Variants in SUSD4 observed in about 807,000 individuals in gnomAD.
SUSD4 encodes sushi domain-containing protein 4.
In SUSD4, 41 loss-of-function variants were observed where a neutral mutation model predicts 50.5. The ratio of observed to expected loss-of-function variants is 0.81; its 90% confidence interval spans 0.63 to 1.05. The LOEUF is 1.05. Ranked by LOEUF, SUSD4 falls within the 50% of genes least tolerant of loss-of-function variation. The probability of loss-of-function intolerance (pLI) is 0.00; values close to 1 mark genes in which losing one functional copy is unlikely to be tolerated. For missense variants in SUSD4, 580 were observed against 634.7 expected, an observed-to-expected ratio of 0.91 and a Z score of 0.93; for synonymous variants, 257 against 257.3, an observed-to-expected ratio of 1.00 and a Z score of 0.01.
intron 5 of SUSD4, among the ~76,000 whole-genome samples, chr1:223,249,243 C>G (rs1237227444): frequency 1.3e-5 from 2 of 152,058 alleles, no homozygotes; most frequent in Non-Finnish European, 2.9e-5. Context: ...ATCAGGGGCA[C>G]AAGATTAAAA....
chr1:223,258,754 C>G (rs851196), intron 5 of SUSD4, among the ~76,000 whole-genome samples: 62,873 of 151,904 alleles, frequency 0.41, 13,229 homozygotes, highest in African/African-American at 0.45. Context: ...TCCCCTGTTT[C>G]GGAAAAGCAA....
chr1:223,342,997 T>C (rs1454946486), intron 2 of SUSD4, among the ~76,000 whole-genome samples: 1 of 152,068 alleles, frequency 6.6e-6, no homozygotes, highest in African/African-American at 2.4e-5. Context: ...AAGAAAAAGA[T>C]AAAAACATTA....
At chr1:223,337,087 G>A (rs981280231) in intron 2 of SUSD4, among the ~76,000 whole-genome samples, 6 of 152,148 alleles carry the variant, frequency 3.9e-5, no homozygotes, top group African/African-American at 1.4e-4. Flanking sequence ...ATCTCTCACA[G>A]GCACCGTAAT....
At chr1:223,223,862 C>A (rs1659309725) in intron 7 of SUSD4, among the ~76,000 whole-genome samples, 1 of 152,242 alleles carries the variant, frequency 6.6e-6, no homozygotes. Context: ...TTGTCACTCT[C>A]TCGTGTCCTC....
intron 3 of SUSD4, among the ~76,000 whole-genome samples, chr1:223,278,898 T>A (rs2103109189): frequency 6.6e-6 from 1 of 152,282 alleles, no homozygotes; most frequent in Middle Eastern, 3.4e-3. Context: ...GTAGGAACAT[T>A]TGCTGTTCAG....
intron 2 of SUSD4, among the ~76,000 whole-genome samples, chr1:223,293,156 G>A (rs1380495183): frequency 1.3e-5 from 2 of 152,140 alleles, no homozygotes; most frequent in African/African-American, 4.8e-5. Flanking sequence ...GGAGCAGCAA[G>A]TGGAATGTAG....
At chr1:223,289,328 G>A (rs776895750) in intron 3 of SUSD4, 87 of 982,874 alleles carry the variant, frequency 8.9e-5, no homozygotes, top group Non-Finnish European at 9.5e-5. Context: ...GGGCCATAAA[G>A]TGAATTCATT....
intron 2 of SUSD4, among the ~76,000 whole-genome samples, chr1:223,313,748 C>A (rs1465501196): frequency 1.3e-5 from 2 of 152,126 alleles, no homozygotes; most frequent in South Asian, 2.1e-4. Flanking sequence ...CCCACCAAAA[C>A]CAAGATGGCT....
chr1:223,363,835 T>C (rs991484349), intron 1 of SUSD4: 1 of 162,636 alleles, frequency 6.1e-6, no homozygotes, highest in African/African-American at 2.4e-5. Flanking sequence ...CATTTCACTC[T>C]GGGAATCTCA....
chr1:223,358,131 T>C (rs1400231068), intron 2 of SUSD4, among the ~76,000 whole-genome samples: 1 of 152,196 alleles, frequency 6.6e-6, no homozygotes, highest in Non-Finnish European at 1.5e-5. Flanking sequence ...TTATGCATGC[T>C]TTTTGCATTT....
At chr1:223,333,434 A>G (rs1016204822) in intron 2 of SUSD4, among the ~76,000 whole-genome samples, 3 of 152,108 alleles carry the variant, frequency 2.0e-5, no homozygotes, top group Non-Finnish European at 2.9e-5. Context: ...TTCTGAAACA[A>G]ATTAAAATTA....
At chr1:223,223,126 G>T in intron 8 of SUSD4, 123 bp downstream of exon 8, 2 of 1,368,672 alleles carry the variant, frequency 1.5e-6, no homozygotes, top group Non-Finnish European at 1.9e-6. Context: ...AGCTGAGTGA[G>T]AGGTAAACAG....
intron 5 of SUSD4, among the ~76,000 whole-genome samples, chr1:223,262,114 G>T (rs1662164899): frequency 3.3e-5 from 5 of 152,176 alleles, no homozygotes; most frequent in Admixed American, 3.3e-4. Context: ...GGTTAGAAAA[G>T]AAATTGGGGG....
chr1:223,242,904 C>T (rs543080966), intron 5 of SUSD4, among the ~76,000 whole-genome samples: 1 of 152,174 alleles, frequency 6.6e-6, no homozygotes, highest in Non-Finnish European at 1.5e-5. Context: ...TGCCAGTTGT[C>T]TGAGTCCCCA....
intron 5 of SUSD4, among the ~76,000 whole-genome samples, chr1:223,258,928 CA>C (rs1331081249): frequency 6.6e-6 from 1 of 152,160 alleles, no homozygotes; most frequent in Admixed American, 6.5e-5. Flanking sequence ...CTTTCGAAAC[CA>C]TGGAGACCTT....
intron 3 of SUSD4, among the ~76,000 whole-genome samples, chr1:223,276,884 T>C (rs1663311495): frequency 1.3e-5 from 2 of 151,950 alleles, no homozygotes; most frequent in Non-Finnish European, 2.9e-5. Flanking sequence ...AAAGAAATTT[T>C]AGATGATAGA....
chr1:223,248,787 C>T (rs1661108078), intron 5 of SUSD4, among the ~76,000 whole-genome samples: 1 of 152,002 alleles, frequency 6.6e-6, no homozygotes, highest in Non-Finnish European at 1.5e-5. Context: ...CTCTGAGTCA[C>T]TACGTTAGGA....
chr1:223,301,516 T>C (rs758198652), intron 2 of SUSD4, among the ~76,000 whole-genome samples: 6 of 152,202 alleles, frequency 3.9e-5, no homozygotes, highest in Non-Finnish European at 5.9e-5. Context: ...GAGAGAAGGA[T>C]GTGGTAAACT....
chr1:223,260,909 G>T (rs996829176), intron 5 of SUSD4, among the ~76,000 whole-genome samples: 4 of 152,140 alleles, frequency 2.6e-5, no homozygotes, highest in African/African-American at 9.7e-5. Flanking sequence ...TGACATGTCA[G>T]TGTGACAGCT....
Sources: gnomAD v4.1 joint callset for allele counts (sites outside exome capture counted in the v4.1 genomes callset) on GRCh38, gnomAD v4.1.1 for gene constraint, MANE v1.5 for transcripts, NCBI Gene and HGNC (gene_info 2026-07-23, HGNC 2026-07-21) for gene names.